The following PCDHGA10 variants were observed in gnomAD, a reference collection of about 807,000 sequenced individuals.
The protein encoded by PCDHGA10 is protocadherin gamma subfamily A, 10.
A neutral mutation model predicts 59.5 loss-of-function variants in PCDHGA10; 42 were observed. The observed-to-expected ratio is 0.71, with a 90% CI of 0.55 to 0.91. PCDHGA10 has a LOEUF of 0.91. Among genes scored for constraint, PCDHGA10 ranks in the 40% least tolerant of loss-of-function variants. The pLI, the probability that PCDHGA10 is intolerant of heterozygous loss-of-function variation, is 0.00. For missense variants in PCDHGA10, 1,111 were observed against 1,198.2 expected (o/e 0.93, Z 1.07); for synonymous variants, 511 against 517.2 (o/e 0.99, Z 0.16).
chr5:141,424,353 T>C (rs923306479), intron 1 of PCDHGA10: 1 of 152,246 alleles, frequency 6.6e-6, no homozygotes, highest in African/African-American at 2.4e-5. Flanking sequence ...GGAGATAAAA[T>C]TTAGATCACA....
chr5:141,444,364 T>C (rs1191889941), intron 1 of PCDHGA10, among the ~76,000 whole-genome samples: 2 of 151,718 alleles, frequency 1.3e-5, no homozygotes, highest in Admixed American at 1.3e-4. Context: ...AGAGACGGGG[T>C]TTCTCCATGT....
At position 141,485,009 on chromosome 5, in the gene PCDHGA10, C is replaced by T. The variant is rs531346426; in HGVS notation, c.2437-9798C>T. The T allele has an allele frequency of 6.4e-5, 40 of 628,334 alleles. No homozygotes were observed. Among genetic ancestry groups the T allele is most frequent in the Admixed American group, 5.3e-4 (18 of 33,986 alleles). The allele number at this position is 628,334 out of a possible 1,614,324, so 38.9% of individuals were successfully genotyped here. On this transcript the variant is annotated intron_variant, in intron 1 of 3. Transcript: ENST00000398610. The surrounding 1 kb of genome is among the most constrained non-coding windows in gnomAD (Gnocchi z 5.7). Reference sequence around the variant, plus strand: ...GGTGGTGAAAGGCAGACAAATCTACCCCGCCACCAGCAAAAACGGCGCGTA... The same window carrying T: ...GGTGGTGAAAGGCAGACAAATCTACTCCGCCACCAGCAAAAACGGCGCGTA...
intron 1 of PCDHGA10, chr5:141,418,297 C>T (rs760176371): frequency 2.5e-6 from 4 of 1,614,026 alleles, no homozygotes; most frequent in African/African-American, 2.7e-5. Flanking sequence ...GTGAATCCGT[C>T]AGCCTGGGGA....
chr5:141,415,843 G>T (rs1022622333), intron 1 of PCDHGA10: 36 of 1,251,418 alleles, frequency 2.9e-5, no homozygotes, highest in Non-Finnish European at 3.6e-5. Flanking sequence ...GATTAGCTTT[G>T]CAGAACCTTG....
intron 1 of PCDHGA10, chr5:141,422,851 C>A (rs1459531183): frequency 1.2e-6 from 2 of 1,614,122 alleles, no homozygotes; most frequent in African/African-American, 1.3e-5. Flanking sequence ...CGGGGACCCG[C>A]CCCTCAGCAG....
chr5:141,497,730 G>T (rs13182286), intron 2 of PCDHGA10, among the ~76,000 whole-genome samples: 247 of 152,136 alleles, frequency 1.6e-3, no homozygotes, highest in Non-Finnish European at 2.8e-3. Flanking sequence ...AGTAGAGATG[G>T]GTTTCGCCAC....
intron 1 of PCDHGA10, chr5:141,423,105 G>C (rs1480411428): frequency 1.9e-6 from 3 of 1,613,920 alleles, no homozygotes; most frequent in East Asian, 4.5e-5. Flanking sequence ...ACACGGGCGA[G>C]GTGCGTACAG....
At chr5:141,468,140 C>T (rs910524133) in intron 1 of PCDHGA10, among the ~76,000 whole-genome samples, 3 of 151,942 alleles carry the variant, frequency 2.0e-5, no homozygotes, top group African/African-American at 7.2e-5. Flanking sequence ...GCCTGGCCAA[C>T]ATGGTGAAAC....
In PCDHGA10 at chr5:141,477,772, C is replaced by G. The variant is rs760319541; in HGVS notation, c.2437-17035C>G. The G allele has an allele frequency of 1.5e-5, 25 of 1,613,908 alleles. No homozygotes were observed. Among genetic ancestry groups the G allele is most frequent in the Non-Finnish European group, 2.1e-5 (25 of 1,180,042 alleles). On this transcript the variant is annotated intron_variant, in intron 1 of 3. Coordinates refer to ENST00000398610, the MANE Select transcript of PCDHGA10 (RefSeq NM_018913.3). This position sits in a 1 kb window ranked among gnomAD's most constrained non-coding sequence, Gnocchi z 4.9. Reference sequence around the variant, plus strand: ...CCCCGGTCCTAGCCACCAACATCAGCGTGAACATATTTGTCACTGATCGCA... The same window carrying G: ...CCCCGGTCCTAGCCACCAACATCAGGGTGAACATATTTGTCACTGATCGCA...
Position 141,491,103 on chromosome 5 carries a change from G to C in PCDHGA10, c.2437-3704G>C. 1 of 1,614,162 alleles carries C rather than the reference G, an allele frequency of 6.2e-7. No individual in the cohort carries two copies. Among genetic ancestry groups the C allele is most frequent in the South Asian group, 1.1e-5 (1 of 91,082 alleles). On this transcript the variant is annotated intron_variant, in intron 1 of 3. Transcript: ENST00000398610. The surrounding 1 kb of genome is among the most constrained non-coding windows in gnomAD (Gnocchi z 6.9). ...CCACAGCCCCAGGACTGTTCCTCGT[G>C]TCTACACACACTGGTGAGGTGCGCA... is the stretch of plus-strand genomic sequence containing the variant.
intron 1 of PCDHGA10, among the ~76,000 whole-genome samples, chr5:141,480,949 G>A (rs949853273): frequency 2.0e-4 from 30 of 152,136 alleles, no homozygotes; most frequent in African/African-American, 4.6e-4. Flanking sequence ...AGAGGCTGAG[G>A]CGGAAGCATC....
intron 1 of PCDHGA10, among the ~76,000 whole-genome samples, chr5:141,464,444 T>C (rs2099084887): frequency 6.6e-6 from 1 of 151,634 alleles, no homozygotes; most frequent in East Asian, 1.9e-4. Context: ...TGTTTGTTGT[T>C]GTTGTTGTTA....
chr5:141,436,089 T>C (rs1001252646), intron 1 of PCDHGA10, among the ~76,000 whole-genome samples: 1 of 152,204 alleles, frequency 6.6e-6, no homozygotes, highest in Non-Finnish European at 1.5e-5. Context: ...ATAGGTAATA[T>C]TGAGAGAAAT....
At chr5:141,459,863 G>A (rs182099511) in intron 1 of PCDHGA10, among the ~76,000 whole-genome samples, 2 of 152,242 alleles carry the variant, frequency 1.3e-5, no homozygotes, top group East Asian at 1.9e-4. Context: ...TGAAGCATTC[G>A]TTCATCTTTA....
intron 1 of PCDHGA10, chr5:141,428,021 C>T: frequency 1.2e-6 from 2 of 1,605,604 alleles, no homozygotes; most frequent in Non-Finnish European, 1.7e-6. Context: ...TGCCACGCGC[C>T]GCAGAGTCCG....
rs143168452 is a variant in PCDHGA10 at position 141,504,127 on chromosome 5, C to T, written c.2496-1266C>T. Among the ~76,000 whole-genome samples the T allele has an allele frequency of 1.3e-3, 195 of 152,220 alleles. 2 individuals carry two copies. The highest frequency in any genetic ancestry group is 4.4e-3 in the African/African-American group (181 of 41,520). On this transcript the variant is annotated intron_variant, in intron 2 of 3. Transcript: ENST00000398610. ...CTGTGTGTGTGCCAGGGCTGTTTCC[C>T]GCCAACACTCCCCTGCAAATTGAAA...
intron 1 of PCDHGA10, among the ~76,000 whole-genome samples, chr5:141,464,984 C>T (rs1345385418): frequency 1.3e-5 from 2 of 152,034 alleles, no homozygotes; most frequent in Non-Finnish European, 2.9e-5. Flanking sequence ...TCAAGTGATC[C>T]TCCCACCTCA....
At chr5:141,421,878 T>C (rs1364225081) in intron 1 of PCDHGA10, 1 of 1,613,612 alleles carries the variant, frequency 6.2e-7, no homozygotes, top group African/African-American at 1.3e-5. Context: ...CAGCTTTAGA[T>C]GGAGGCGATC....
chr5:141,423,184 C>G (rs747938944), intron 1 of PCDHGA10: 3 of 1,613,560 alleles, frequency 1.9e-6, no homozygotes, highest in Non-Finnish European at 2.5e-6. Context: ...CCACGGCCAG[C>G]CCCCTCTCTC....
Sources: gnomAD v4.1 joint callset for allele counts (sites outside exome capture counted in the v4.1 genomes callset) on GRCh38, gnomAD v4.1.1 for gene constraint, Gnocchi (gnomAD v3.1) non-coding constraint, MANE v1.5 for transcripts, NCBI Gene and HGNC (gene_info 2026-07-23, HGNC 2026-07-21) for gene names.